The following PXDNL variants were observed in gnomAD, a reference collection of about 807,000 sequenced individuals.
The protein encoded by PXDNL is peroxidasin like.
A neutral mutation model predicts 150.8 loss-of-function variants in PXDNL; 145 were observed. The observed-to-expected ratio is 0.96, with a 90% CI of 0.84 to 1.10. The LOEUF (loss-of-function observed/expected upper bound fraction) is 1.10, where lower values mean the gene tolerates loss of function less well. PXDNL is among the 50% of genes least tolerant of loss of function. The pLI, the probability that PXDNL is intolerant of heterozygous loss-of-function variation, is 0.00. For missense variants in PXDNL, 2,087 were observed against 1,873.9 expected (o/e 1.11, Z -2.10); for synonymous variants, 757 against 725.7 (o/e 1.04, Z -0.69).
chr8:51,596,099 T>C (rs1190595755), intron 2 of PXDNL, among the ~76,000 whole-genome samples: 6 of 152,192 alleles, frequency 3.9e-5, no homozygotes, highest in Admixed American at 3.9e-4. Flanking sequence ...GCCCTCATTA[T>C]GTCCGAGTAT....
At chr8:51,450,273 C>A (rs1479728842) in intron 10 of PXDNL, among the ~76,000 whole-genome samples, 1 of 152,158 alleles carries the variant, frequency 6.6e-6, no homozygotes, top group Non-Finnish European at 1.5e-5. Context: ...TTTGCCAGCT[C>A]CTTTACTGCA....
In PXDNL at chr8:51,588,522, G is replaced by T. The variant is rs138760187; in HGVS notation, c.308+4105C>A. 6.2e-4 allele frequency among the ~76,000 whole-genome samples: 94 copies of T among 152,308 alleles called. 1 individual carries two copies. In the East Asian group the frequency reaches 0.013, roughly 21 times the overall value. On this transcript the variant is annotated intron_variant, in intron 3 of 22. Coordinates refer to ENST00000356297, the MANE Select transcript of PXDNL (RefSeq NM_144651.5). ...AAATGATTTTTTGTTCTCACTCAGAGCAGAGAATACACTTGTGTATGTAAT... is the reference window on the plus strand; with the variant it reads ...AAATGATTTTTTGTTCTCACTCAGATCAGAGAATACACTTGTGTATGTAAT...
Position 51,408,967 on chromosome 8 carries a change from T to G in PXDNL, c.2657A>C (p.Gln886Pro). The change falls in exon 17 of 23, where the codon CAG becomes CCG. Residue 886 changes from glutamine (Q) to proline (P), a missense_variant. Physicochemically the swap from Gln to Pro is moderately conservative, Grantham distance 76. Transcript: ENST00000356297. Reference protein sequence around the residue: ...ATVDSVYAREQINQQTAYIDG... With the variant: ...ATVDSVYAREPINQQTAYIDG... ...GATGTAGGCTGTTTGCTGGTTGATC[T>G]GCTCTCGTGCATAGACTGAATCCAC... is the stretch of plus-strand genomic sequence containing the variant. The G allele has an allele frequency of 6.2e-7, 1 of 1,612,496 alleles. No homozygotes were observed. Among genetic ancestry groups the G allele is most frequent in the African/African-American group, 1.3e-5 (1 of 75,072 alleles).
At chr8:51,782,741 G>A (rs1386862124) in intron 1 of PXDNL, among the ~76,000 whole-genome samples, 1 of 152,294 alleles carries the variant, frequency 6.6e-6, no homozygotes, top group African/African-American at 2.4e-5. Flanking sequence ...ACGTCTCCAA[G>A]TCATGGTACT....
intron 1 of PXDNL, among the ~76,000 whole-genome samples, chr8:51,673,775 A>G (rs1815550813): frequency 6.6e-6 from 1 of 152,218 alleles, no homozygotes; most frequent in South Asian, 2.1e-4. Flanking sequence ...TACATAGTTT[A>G]GTTAAATATG....
chr8:51,466,531 A>G (rs1375972170), intron 8 of PXDNL, among the ~76,000 whole-genome samples: 3 of 152,206 alleles, frequency 2.0e-5, no homozygotes, highest in African/African-American at 7.2e-5. Flanking sequence ...AATGAAAACA[A>G]AAATTGACAA....
At chr8:51,489,841 C>CCTT (rs766597212) in intron 5 of PXDNL, among the ~76,000 whole-genome samples, 3 of 152,114 alleles carry the variant, frequency 2.0e-5, no homozygotes, top group Non-Finnish European at 4.4e-5. Flanking sequence ...CTCCCTTAAG[C>CCTT]CTTTTCATAG....
intron 1 of PXDNL, among the ~76,000 whole-genome samples, chr8:51,658,344 G>GAAAAA (rs34771782): frequency 9.7e-3 from 896 of 92,742 alleles, no homozygotes; most frequent in Middle Eastern, 0.012. Flanking sequence ...CCTGTCTCAA[G>GAAAAA]AAAAAAAAAA....
chr8:51,544,393 C>T (rs1040452394), intron 4 of PXDNL, among the ~76,000 whole-genome samples: 1 of 152,074 alleles, frequency 6.6e-6, no homozygotes, highest in African/African-American at 2.4e-5. Flanking sequence ...ATTACTCCTC[C>T]CTATGCTATC....
At chr8:51,744,928 AAAAGAAAGAAAGAAAGAAAG>A (rs1193132745) in intron 1 of PXDNL, among the ~76,000 whole-genome samples, 14 of 88,336 alleles carry the variant, frequency 1.6e-4, no homozygotes, top group African/African-American at 6.4e-4. Context: ...GAAAGAAAGA[AAAAGAAAGAAAGAAAGAAAG>A]AAAGAAAGAA....
intron 2 of PXDNL, among the ~76,000 whole-genome samples, chr8:51,620,574 C>T (rs956654007): frequency 1.7e-4 from 26 of 151,102 alleles, no homozygotes; most frequent in African/African-American, 5.1e-4. Flanking sequence ...GACAGAGTCT[C>T]GCTCTGTCAC....
intron 1 of PXDNL, among the ~76,000 whole-genome samples, chr8:51,668,176 C>CTGTTTTTTT (rs1554564343): frequency 1.3e-5 from 1 of 77,386 alleles, no homozygotes; most frequent in Non-Finnish European, 2.2e-5. Flanking sequence ...CTCGCTCTCT[C>CTGTTTTTTT]TTTTTTTTTT....
At chr8:51,347,562 T>C (rs1484814449) in intron 19 of PXDNL, among the ~76,000 whole-genome samples, 2 of 152,238 alleles carry the variant, frequency 1.3e-5, no homozygotes, top group African/African-American at 2.4e-5. Flanking sequence ...TCTTTATTTA[T>C]AAAATCCAAA....
At chr8:51,613,495 C>G (rs1485000220) in intron 2 of PXDNL, among the ~76,000 whole-genome samples, 4 of 87,102 alleles carry the variant, frequency 4.6e-5, no homozygotes, top group African/African-American at 1.4e-4. Context: ...GGGGGGGGGG[C>G]AGGGCGGCAG....
intron 1 of PXDNL, among the ~76,000 whole-genome samples, chr8:51,758,478 T>C (rs910924339): frequency 9.9e-5 from 15 of 152,240 alleles, no homozygotes; most frequent in Non-Finnish European, 1.8e-4. Flanking sequence ...ACAAGTGATA[T>C]GGTTAAGCTT....
chr8:51,571,440 T>G (rs555452904), intron 3 of PXDNL, among the ~76,000 whole-genome samples: 1 of 151,828 alleles, frequency 6.6e-6, no homozygotes, highest in Non-Finnish European at 1.5e-5. Context: ...TCATTAAATA[T>G]TTACACATCA....
chr8:51,776,477 G>T (rs2037355073), intron 1 of PXDNL, among the ~76,000 whole-genome samples: 1 of 152,104 alleles, frequency 6.6e-6, no homozygotes, highest in East Asian at 1.9e-4. Flanking sequence ...GACACTTAGA[G>T]AAATAGAAAA....
At chr8:51,577,867 A>G (rs1813092236) in intron 3 of PXDNL, among the ~76,000 whole-genome samples, 1 of 148,832 alleles carries the variant, frequency 6.7e-6, no homozygotes, top group Admixed American at 6.8e-5. Context: ...CTAGGCAATG[A>G]AAACAGATTG....
At chr8:51,486,479 T>G (rs1052133864) in intron 5 of PXDNL, among the ~76,000 whole-genome samples, 4 of 151,574 alleles carry the variant, frequency 2.6e-5, no homozygotes, top group African/African-American at 4.8e-5. Flanking sequence ...AAAATTATGA[T>G]AATAATAACT....
Sources: allele counts gnomAD v4.1 joint callset (sites outside exome capture counted in the v4.1 genomes callset), GRCh38; gene constraint gnomAD v4.1.1; transcripts MANE v1.5; gene names NCBI Gene and HGNC (gene_info 2026-07-23, HGNC 2026-07-21).